Variants in MPPED2 observed in about 807,000 individuals in gnomAD.
MPPED2 encodes the protein metallophosphoesterase domain containing 2.
MPPED2 carries 5 observed loss-of-function variants against 33.0 expected under a neutral mutation model. The observed-to-expected ratio is 0.15, with a 90% confidence interval of 0.08 to 0.32. The LOEUF (loss-of-function observed/expected upper bound fraction) is 0.32. Ranked by LOEUF, MPPED2 falls within the 10% of genes least tolerant of loss-of-function variation. The pLI, the probability that MPPED2 is intolerant of heterozygous loss-of-function variation, is 1.00. For synonymous variants in MPPED2, 136 were observed against 141.9 expected, an observed-to-expected ratio of 0.96 and a Z score of 0.29; for missense variants, 275 against 372.1, an observed-to-expected ratio of 0.74 and a Z score of 2.15.
At position 30,451,403 on chromosome 11, in the gene MPPED2, G is replaced by C. The variant is rs78778202; in HGVS notation, c.537-33770C>G. On this transcript the variant is annotated intron_variant, in intron 4 of 6. Coordinates refer to ENST00000358117, the MANE Select transcript of MPPED2 (RefSeq NM_001584.3). ...TGCTAACCTGGCCCCCCTGCAGTTT[G>C]AAGTGAGAGCTCAGACTGAGGGATG... Among the ~76,000 whole-genome samples the C allele has an allele frequency of 8.9e-3, 1,349 of 152,342 alleles. 33 individuals are homozygous for C. Among genetic ancestry groups the C allele is most frequent in the African/African-American group, 0.029 (1,185 of 41,572 alleles).
In MPPED2 at chr11:30,495,497, A is replaced by G. The variant is rs1432357210; in HGVS notation, c.335T>C (p.Ile112Thr). 2 of 1,614,014 alleles carry G rather than the reference A, an allele frequency of 1.2e-6. No individual in the cohort carries two copies. The highest frequency in any genetic ancestry group is 2.2e-5 in the East Asian group (1 of 44,876). The change falls in exon 4 of 7, where the codon ATA becomes ACA. Residue 112 changes from isoleucine to threonine, a missense_variant. Transcript: ENST00000358117. ...WLGNLPYEYK[I>T]VIAGNHELTF... Reference sequence around the variant, plus strand: ...CAGTTCATGATTCCCAGCAATCACTATTTTATATTCATATGGCAGGTTTCC... The same window carrying G: ...CAGTTCATGATTCCCAGCAATCACTGTTTTATATTCATATGGCAGGTTTCC...
intron 6 of MPPED2, among the ~76,000 whole-genome samples, chr11:30,391,137 T>C (rs1040586460): frequency 8.2e-4 from 125 of 152,282 alleles, no homozygotes; most frequent in Non-Finnish European, 4.3e-4. Context: ...GAGATGGAAC[T>C]GTCTAGGGGC....
At chr11:30,412,665 T>C (rs775515389) in intron 6 of MPPED2, among the ~76,000 whole-genome samples, 1 of 152,184 alleles carries the variant, frequency 6.6e-6, no homozygotes, top group Non-Finnish European at 1.5e-5. Flanking sequence ...TAAAGTCTTG[T>C]TATCTCTCTC....
At chr11:30,464,338 T>A (rs1397074153) in intron 4 of MPPED2, among the ~76,000 whole-genome samples, 1 of 151,646 alleles carries the variant, frequency 6.6e-6, no homozygotes, top group Admixed American at 6.6e-5. Context: ...TTTTAAAAAA[T>A]TTAAGCCTAA....
chr11:30,476,940 T>A (rs533498706), intron 4 of MPPED2, among the ~76,000 whole-genome samples: 2 of 152,076 alleles, frequency 1.3e-5, no homozygotes, highest in Non-Finnish European at 2.9e-5. Context: ...ATTCTACATA[T>A]CTTTTGTTAT....
chr11:30,406,363 G>A (rs1380631251), downstream of MPPED2, among the ~76,000 whole-genome samples: 1 of 152,166 alleles, frequency 6.6e-6, no homozygotes, highest in Non-Finnish European at 1.5e-5. Context: ...CCAAAGTGGG[G>A]CATTATCTTT....
intron 3 of MPPED2, among the ~76,000 whole-genome samples, chr11:30,496,033 A>T (rs937969830): frequency 2.0e-5 from 3 of 152,232 alleles, no homozygotes; most frequent in Non-Finnish European, 2.9e-5. Flanking sequence ...GTATAATTTC[A>T]TATTTCAACT....
intron 4 of MPPED2, among the ~76,000 whole-genome samples, chr11:30,431,912 C>T (rs534115998): frequency 6.6e-5 from 10 of 152,262 alleles, no homozygotes; most frequent in African/African-American, 1.4e-4. Context: ...CGGTGGCTCA[C>T]GCCTGTAATT....
At chr11:30,474,625 C>T (rs1951098676) in intron 4 of MPPED2, among the ~76,000 whole-genome samples, 2 of 152,144 alleles carry the variant, frequency 1.3e-5, no homozygotes, top group African/African-American at 4.8e-5. Context: ...AGTCTCTTGA[C>T]TGAATGTAAA....
At chr11:30,579,596 A>G (rs1336032332) in intron 2 of MPPED2, among the ~76,000 whole-genome samples, 1 of 152,170 alleles carries the variant, frequency 6.6e-6, no homozygotes, top group Non-Finnish European at 1.5e-5. Flanking sequence ...AACAGTTTAA[A>G]CCTCAACATG....
chr11:30,418,315 A>T (rs1161550888), intron 4 of MPPED2, among the ~76,000 whole-genome samples: 1 of 152,220 alleles, frequency 6.6e-6, no homozygotes, highest in African/African-American at 2.4e-5. Flanking sequence ...GACAATGAAC[A>T]TGAGCCTTTT....
intron 4 of MPPED2, among the ~76,000 whole-genome samples, chr11:30,468,357 C>T (rs1487316345): frequency 1.3e-5 from 2 of 152,138 alleles, no homozygotes; most frequent in African/African-American, 4.8e-5. Flanking sequence ...TTGTGTCACA[C>T]TTCACCATGT....
intron 2 of MPPED2, among the ~76,000 whole-genome samples, chr11:30,553,539 G>A (rs1955822907): frequency 6.6e-6 from 1 of 152,192 alleles, no homozygotes; most frequent in Non-Finnish European, 1.5e-5. Flanking sequence ...GCAGTTAAAG[G>A]TTAAGCAAAT....
chr11:30,392,459 C>T (rs1414550226), intron 6 of MPPED2, among the ~76,000 whole-genome samples: 1 of 152,186 alleles, frequency 6.6e-6, no homozygotes, highest in Non-Finnish European at 1.5e-5. Context: ...CAGCAACAAA[C>T]TTGTCTGAAA....
chr11:30,437,422 G>T (rs1226030620), intron 4 of MPPED2, among the ~76,000 whole-genome samples: 1 of 152,144 alleles, frequency 6.6e-6, no homozygotes, highest in South Asian at 2.1e-4. Flanking sequence ...AGACCTGAAA[G>T]CTTCTATTTT....
chr11:30,506,412 C>T (rs1005565284), intron 3 of MPPED2, among the ~76,000 whole-genome samples: 3 of 152,138 alleles, frequency 2.0e-5, no homozygotes, highest in Admixed American at 1.3e-4. Flanking sequence ...GAGCCCATCT[C>T]CTATGTTCTA....
At chr11:30,473,222 G>A (rs936516167) in intron 4 of MPPED2, among the ~76,000 whole-genome samples, 3 of 152,114 alleles carry the variant, frequency 2.0e-5, no homozygotes, top group Non-Finnish European at 4.4e-5. Context: ...GCCTTGGCAT[G>A]TATCTCTATT....
intron 4 of MPPED2, among the ~76,000 whole-genome samples, chr11:30,431,505 C>A (rs936519557): frequency 5.3e-5 from 8 of 152,178 alleles, no homozygotes; most frequent in African/African-American, 1.9e-4. Context: ...TAGCAGAGTG[C>A]ATGGCACATA....
chr11:30,586,837 G>A (rs1045922919), upstream of MPPED2: 1 of 152,184 alleles, frequency 6.6e-6, no homozygotes, highest in African/African-American at 2.4e-5. The surrounding 1 kb of genome is among the most constrained non-coding windows in gnomAD (Gnocchi z 4.8). Flanking sequence ...TCAGACCTAG[G>A]AAGGCGACCC....
Sources: gnomAD v4.1 joint callset for allele counts (sites outside exome capture counted in the v4.1 genomes callset) on GRCh38, gnomAD v4.1.1 for gene constraint, Gnocchi (gnomAD v3.1) non-coding constraint, MANE v1.5 for transcripts, NCBI Gene and HGNC (gene_info 2026-07-23, HGNC 2026-07-21) for gene names.